The following VPS53 variants were observed in gnomAD, a reference collection of about 807,000 sequenced individuals.
VPS53 encodes VPS53 subunit of GARP complex.
In VPS53, 70 loss-of-function variants were observed where a neutral mutation model predicts 107.0. That is an observed-to-expected ratio of 0.65 (90% CI 0.54 to 0.80). The LOEUF (loss-of-function observed/expected upper bound fraction) is 0.80. Among genes scored for constraint, VPS53 ranks in the 30% least tolerant of loss-of-function variants. VPS53 has a pLI of 0.00. For missense variants in VPS53, 917 were observed against 1,049.4 expected (o/e 0.87, Z 1.74); for synonymous variants, 409 against 393.3 (o/e 1.04, Z -0.47).
chr17:525,675 C>G (rs1001154416), intron 19 of VPS53, among the ~76,000 whole-genome samples: 9 of 151,174 alleles, frequency 6.0e-5, no homozygotes, highest in African/African-American at 1.9e-4. Context: ...GCCTGGGAGA[C>G]AGAGTGGGAC....
chr17:664,241 G>A (rs1471256466), intron 4 of VPS53, among the ~76,000 whole-genome samples: 3 of 152,086 alleles, frequency 2.0e-5, no homozygotes, highest in Non-Finnish European at 4.4e-5. Flanking sequence ...ACCACACCTG[G>A]CTAATTTTTT....
chr17:675,057 T>A (rs1319079748), intron 4 of VPS53: 1 of 152,234 alleles, frequency 6.6e-6, no homozygotes, highest in Non-Finnish European at 1.5e-5. Context: ...AAATGTTATG[T>A]TCTGCAAAAG....
At chr17:645,186 T>C (rs1970637284) in intron 7 of VPS53, among the ~76,000 whole-genome samples, 1 of 152,140 alleles carries the variant, frequency 6.6e-6, no homozygotes. Context: ...AAGAAACAAG[T>C]GGGACTACAT....
chr17:643,490 GAAAT>G (rs1239102561), intron 7 of VPS53, among the ~76,000 whole-genome samples: 1 of 150,254 alleles, frequency 6.7e-6, no homozygotes, highest in African/African-American at 2.5e-5. Context: ...CTCATACTTG[GAAAT>G]CAAGGACAAC....
At chr17:622,581 C>T (rs141488193) in intron 11 of VPS53, among the ~76,000 whole-genome samples, 5 of 152,238 alleles carry the variant, frequency 3.3e-5, no homozygotes, top group East Asian at 1.9e-4. Flanking sequence ...TCAATGTCTA[C>T]GCATATGTAA....
At chr17:567,066 G>A (rs1329741639) in intron 13 of VPS53, among the ~76,000 whole-genome samples, 2 of 151,972 alleles carry the variant, frequency 1.3e-5, no homozygotes, top group Non-Finnish European at 2.9e-5. Flanking sequence ...GCTTCCAGGC[G>A]TGAGCCAACG....
In VPS53 at chr17:519,732, A is replaced by C; in HGVS notation, c.2328+94T>G. On this transcript the variant is annotated intron_variant, in intron 21 of 21. Transcript: ENST00000437048. The surrounding 1 kb of genome is among the most constrained non-coding windows in gnomAD (Gnocchi z 5.0). Reference sequence around the variant, plus strand: ...TGGAGCCAGGCACATGCATTTTGAGAAAGCCCCCCCGGAACTTATATCCCA... The same window carrying C: ...TGGAGCCAGGCACATGCATTTTGAGCAAGCCCCCCCGGAACTTATATCCCA... 2 of 964,330 alleles carry C rather than the reference A, an allele frequency of 2.1e-6. No individual in the cohort carries two copies. The highest frequency in any genetic ancestry group is 3.2e-6 in the Non-Finnish European group (2 of 628,802). 59.7% of individuals were successfully genotyped at this position (964,330 alleles called of 1,614,324 possible).
At position 602,061 on chromosome 17, in the gene VPS53, G is replaced by A. The variant is rs112731307; in HGVS notation, c.1117-165C>T. On this transcript the variant is annotated intron_variant, in intron 11 of 21. Coordinates refer to ENST00000437048, the MANE Select transcript of VPS53 (RefSeq NM_001128159.3). Reference sequence around the variant, plus strand: ...ACATTCTTGCCTCCGGGCCTTCACAGTGCTTTCCCTCTTCCTGCAACCTCC... The same window carrying A: ...ACATTCTTGCCTCCGGGCCTTCACAATGCTTTCCCTCTTCCTGCAACCTCC... Among the ~76,000 whole-genome samples the A allele has an allele frequency of 0.012, 1,898 of 152,294 alleles. 33 individuals are homozygous for A. Among genetic ancestry groups the A allele is most frequent in the East Asian group, 0.063 (324 of 5,180 alleles).
chr17:711,965 C>T (rs908781107), intron 1 of VPS53, among the ~76,000 whole-genome samples: 2 of 151,910 alleles, frequency 1.3e-5, no homozygotes, highest in African/African-American at 4.8e-5. Flanking sequence ...TACAGGCGCT[C>T]GCCACCATAC....
At chr17:619,369 G>A (rs1392366103) in intron 11 of VPS53, among the ~76,000 whole-genome samples, 10 of 139,744 alleles carry the variant, frequency 7.2e-5, no homozygotes, top group Middle Eastern at 4.7e-3. Context: ...CTACAGGCGC[G>A]CACCACCATG....
At position 653,398 on chromosome 17, in the gene VPS53, C is replaced by T. The variant is rs1971041215; in HGVS notation, c.501G>A (p.Arg167=). Residue 167 remains arginine, a synonymous_variant, in exon 7 of 22, where the codon AGG becomes AGA. Coordinates refer to ENST00000437048, the MANE Select transcript of VPS53 (RefSeq NM_001128159.3). ...GGVDSLEAMT[R]RRQYGEVANL... ...TAGCAACTTCTCCGTATTGTCTTCG[C>T]CTGGTCATGGCTCTGCAAGGAAAGA... 1.2e-6 allele frequency: 2 copies of T among 1,614,158 alleles called. No individual in the cohort carries two copies. Among genetic ancestry groups the T allele is most frequent in the Admixed American group, 1.7e-5 (1 of 60,004 alleles).
chr17:626,079 C>T (rs1446838612), intron 10 of VPS53, among the ~76,000 whole-genome samples: 1 of 152,042 alleles, frequency 6.6e-6, no homozygotes, highest in Non-Finnish European at 1.5e-5. Flanking sequence ...TGTGGTGGCA[C>T]ACACCTGTCA....
At chr17:619,833 G>A (rs527736813) in intron 11 of VPS53, among the ~76,000 whole-genome samples, 10 of 141,154 alleles carry the variant, frequency 7.1e-5, no homozygotes. Context: ...ACCACGCCCC[G>A]CTAATATTTC....
intron 4 of VPS53, among the ~76,000 whole-genome samples, chr17:663,493 T>C (rs1029546150): frequency 1.3e-5 from 2 of 151,158 alleles, no homozygotes; most frequent in Non-Finnish European, 2.9e-5. Flanking sequence ...CCACATGCAC[T>C]GGACCATCCG....
chr17:654,353 A>G (rs1001449320), intron 6 of VPS53, among the ~76,000 whole-genome samples: 12 of 152,320 alleles, frequency 7.9e-5, no homozygotes, highest in African/African-American at 2.6e-4. Context: ...ACACACAGGG[A>G]GGAAATATAA....
chr17:705,724 G>A (rs946267357), intron 2 of VPS53: 2 of 152,202 alleles, frequency 1.3e-5, no homozygotes, highest in Non-Finnish European at 2.9e-5. Context: ...TGGTGACAAA[G>A]CAAGACTCCA....
intron 7 of VPS53, among the ~76,000 whole-genome samples, chr17:636,745 C>G (rs1970213023): frequency 6.6e-6 from 1 of 152,198 alleles, no homozygotes; most frequent in Non-Finnish European, 1.5e-5. Context: ...GTTGAACCAG[C>G]CTTGCATCCC....
chr17:641,923 A>C lies in VPS53; in HGVS notation c.609-10295T>G, dbSNP rs1310108340. On this transcript the variant is annotated intron_variant, in intron 7 of 21. Transcript: ENST00000437048. ...TTGTGCTGCCCAGAAAGGAAAGTCA[A>C]CCAGGTGGTTTCTGGCATCCTCCAT... is the stretch of plus-strand genomic sequence containing the variant. Among the ~76,000 whole-genome samples, 4 of 152,336 alleles carry C rather than the reference A, an allele frequency of 2.6e-5. No homozygotes were observed. In the East Asian group the frequency reaches 7.7e-4, roughly 29 times the overall value.
chr17:696,518 C>T (rs1276401676), intron 4 of VPS53, among the ~76,000 whole-genome samples: 3 of 152,134 alleles, frequency 2.0e-5, no homozygotes, highest in Non-Finnish European at 2.9e-5. Context: ...TAAGGGAGGA[C>T]AGGACATGGC....
Sources: gnomAD v4.1 joint callset for allele counts (sites outside exome capture counted in the v4.1 genomes callset) on GRCh38, gnomAD v4.1.1 for gene constraint, Gnocchi (gnomAD v3.1) non-coding constraint, MANE v1.5 for transcripts, NCBI Gene and HGNC (gene_info 2026-07-23, HGNC 2026-07-21) for gene names.